Variants in E2F4 observed in about 807,000 individuals in gnomAD.
The protein encoded by E2F4 is transcription factor E2F4.
E2F4 carries 16 observed loss-of-function variants against 44.5 expected under a neutral mutation model. That is an observed-to-expected ratio of 0.36 (90% confidence interval 0.24 to 0.55). The LOEUF is 0.55. Among genes scored for constraint, E2F4 ranks in the 20% least tolerant of loss-of-function variants. E2F4 has a pLI of 0.87. For synonymous variants in E2F4, 242 were observed against 207.2 expected, an observed-to-expected ratio of 1.17 and a Z score of -1.44; for missense variants, 473 against 522.1, an observed-to-expected ratio of 0.91 and a Z score of 0.92.
intron 5 of E2F4, 77 bp downstream of exon 5, chr16:67,194,536 G>T: frequency 6.3e-7 from 1 of 1,593,108 alleles, no homozygotes; most frequent in Admixed American, 1.7e-5. Flanking sequence ...CCTGGGTGGG[G>T]CAAGTAGGGG....
chr16:67,197,309 A>G (rs1178199694), intron 7 of E2F4, among the ~76,000 whole-genome samples: 2 of 152,204 alleles, frequency 1.3e-5, no homozygotes, highest in African/African-American at 4.8e-5. Context: ...ACCTTCTGTC[A>G]GACAGGGGGT....
chr16:67,194,365 A>T, intron 4 of E2F4, 33 bp from the exon 5 acceptor site: 1 of 1,612,390 alleles, frequency 6.2e-7, no homozygotes, highest in Non-Finnish European at 8.5e-7. Flanking sequence ...GATTGAGCCC[A>T]TGGGCTCTGA....
chr16:67,192,958 T>C, intron 2 of E2F4, 51 bp from the exon 3 acceptor site: 2 of 1,559,972 alleles, frequency 1.3e-6, no homozygotes, highest in East Asian at 2.4e-5. Context: ...GCAGGGGCCA[T>C]GGGACCCAGA....
chr16:67,196,722 C>T (rs1358673653), intron 7 of E2F4, among the ~76,000 whole-genome samples: 3 of 152,206 alleles, frequency 2.0e-5, no homozygotes, highest in Non-Finnish European at 4.4e-5. Flanking sequence ...ACACTTTATT[C>T]CTGCATGTCC....
chr16:67,192,691 A>G (rs2032906196), intron 1 of E2F4, 70 bp from the exon 2 acceptor site: 2 of 1,443,962 alleles, frequency 1.4e-6, no homozygotes, highest in Non-Finnish European at 1.9e-6. Flanking sequence ...CTCCCTTCCC[A>G]GACCACGTCT....
At chr16:67,197,808 T>A in intron 8 of E2F4, 59 bp from the exon 9 acceptor site, 2 of 1,612,568 alleles carry the variant, frequency 1.2e-6, no homozygotes, top group Admixed American at 3.3e-5. Context: ...TTTCCTGGGC[T>A]TTGGTGGGTG....
Position 67,195,873 on chromosome 16 carries a change from G to A in E2F4, c.900G>A (p.Gln300=). The change falls in exon 7 of 10, where the codon CAG becomes CAA. Residue 300 remains glutamine (Q), a synonymous_variant. Transcript: ENST00000379378. ...GPTTLDTRPL[Q]SSALLDSSSS... ...CAACACTGGACACCCGGCCACTGCAGTCTTCTGCCCTGCTGGACAGCAGCA... is the reference window on the plus strand; with the variant it reads ...CAACACTGGACACCCGGCCACTGCAATCTTCTGCCCTGCTGGACAGCAGCA... 1.2e-6 allele frequency: 2 copies of A among 1,613,972 alleles called. No individual in the cohort carries two copies. The highest frequency in any genetic ancestry group is 1.1e-5 in the South Asian group (1 of 91,078).
At chr16:67,197,751 G>A in intron 8 of E2F4, 105 bp downstream of exon 8, 2 of 1,600,008 alleles carry the variant, frequency 1.2e-6, no homozygotes, top group East Asian at 2.2e-5. Flanking sequence ...GGCGCTTATG[G>A]TAACTGGGGC....
At position 67,195,943 on chromosome 16, in the gene E2F4, A is replaced by G. The variant is rs199882527; in HGVS notation, c.970A>G (p.Ser324Gly). ...SSSSSSNSNS[S>G]SSSGPNPSTS... ...CAGCAGCAGCAGCAACAGTAACAGC[A>G]GCAGTTCGTCCGGACCCAACCCTTC... The change falls in exon 7 of 10, where the codon AGC becomes GGC. Residue 324 changes from serine (S) to glycine (G), a missense_variant. Coordinates refer to ENST00000379378, the MANE Select transcript of E2F4 (RefSeq NM_001950.4). 6.2e-7 allele frequency: 1 copy of G among 1,614,164 alleles called. No homozygotes were observed. Among genetic ancestry groups the G allele is most frequent in the Non-Finnish European group, 8.5e-7 (1 of 1,180,016 alleles).
Position 67,198,093 on chromosome 16 carries a change from C to G in E2F4, c.1212C>G (p.Asp404Glu), listed in dbSNP as rs761626001. 1 of 1,613,948 alleles carries G rather than the reference C, an allele frequency of 6.2e-7. No individual in the cohort carries two copies. The highest frequency in any genetic ancestry group is 1.1e-5 in the South Asian group (1 of 91,088). ...YNLDESEGVC[D>E]LFDVPVLNL ...TGGACGAGAGTGAAGGTGTCTGTGA[C>G]CTCTTTGATGTGCCTGTTCTCAACC... Residue 404 changes from aspartate to glutamate, a missense_variant, in exon 10 of 10, where the codon GAC becomes GAG. Physicochemically the swap from Asp to Glu is conservative, Grantham distance 45 (BLOSUM62 2). Around this residue, in one of 3 missense-constraint regions of E2F4, gnomAD observed 314 missense variants for 315.6 expected, o/e 0.99. Coordinates refer to ENST00000379378, the MANE Select transcript of E2F4 (RefSeq NM_001950.4).
Position 67,192,371 on chromosome 16 carries a change from T to C in E2F4, c.135+9T>C. Reference sequence around the variant, plus strand: ...TGCTTGACCTCAAGCTGGTGCGGCCTGGGCTAAGGGGAGACAAGGGAGGCT... The same window carrying C: ...TGCTTGACCTCAAGCTGGTGCGGCCCGGGCTAAGGGGAGACAAGGGAGGCT... On this transcript the variant is annotated intron_variant, in intron 1 of 9. Transcript: ENST00000379378. The C allele has an allele frequency of 7.1e-7, 1 of 1,415,710 alleles. No homozygotes were observed. The highest frequency in any genetic ancestry group is 2.8e-5 in the Admixed American group (1 of 35,292). The allele number at this position is 1,415,710 out of a possible 1,614,324, so 87.7% of individuals were successfully genotyped here. A position where few individuals can be genotyped will look rare whatever the true frequency, so the allele number is the denominator to read the frequency against.
chr16:67,197,382 C>A (rs1376348312), intron 7 of E2F4, among the ~76,000 whole-genome samples: 1 of 152,192 alleles, frequency 6.6e-6, no homozygotes, highest in Non-Finnish European at 1.5e-5. Context: ...GTACCAATCG[C>A]TTGCAGGGGG....
Position 67,197,893 on chromosome 16 carries a change from G to C in E2F4, c.1108G>C (p.Glu370Gln). 6.2e-7 allele frequency: 1 copy of C among 1,614,142 alleles called. No homozygotes were observed. The change falls in exon 9 of 10, where the codon GAG becomes CAG. Residue 370 changes from glutamate to glutamine, a missense_variant. Coordinates refer to ENST00000379378, the MANE Select transcript of E2F4 (RefSeq NM_001950.4). ...RECMSSELLE[E>Q]LMSSEVFAPL... ...GTGCATGAGCTCGGAGCTGCTGGAG[G>C]AGTTGATGTCCTCAGAAGGTGGGTG...
chr16:67,197,357 C>T lies in E2F4; in HGVS notation c.1034-242C>T, dbSNP rs541988107. On this transcript the variant is annotated intron_variant, in intron 7 of 9. Coordinates refer to ENST00000379378, the MANE Select transcript of E2F4 (RefSeq NM_001950.4). ...CAGAAAGAGGCTTCTGTGGCCTTTC[C>T]GAGTTAGAAAAGCTGTACCAATCGC... Among the ~76,000 whole-genome samples the T allele has an allele frequency of 1.2e-4, 18 of 152,238 alleles. No individual in the cohort carries two copies. The South Asian group carries it at 1.2e-3, about 11-fold the overall frequency.
At chr16:67,192,513 C>T (rs988781315) in intron 1 of E2F4, 151 bp downstream of exon 1, 22 of 1,205,724 alleles carry the variant, frequency 1.8e-5, no homozygotes, top group African/African-American at 3.1e-5. Flanking sequence ...ATGTTTCATT[C>T]ATTCGGCCGA....
rs141264556 is a variant in E2F4 at position 67,193,018 on chromosome 16, G to A, written c.255G>A (p.Gly85=). ...SKNSIQWKGV[G]PGCNTREIAD... ...CACTCCCTGGGCTCAGGGGTGTGGG[G>A]CCTGGCTGCAATACCCGGGAGATTG... is the stretch of plus-strand genomic sequence containing the variant. Residue 85 remains glycine (G), a synonymous_variant, in exon 3 of 10, where the codon GGG becomes GGA. Transcript: ENST00000379378. The A allele has an allele frequency of 6.2e-4, 976 of 1,570,950 alleles. 1 individual carries two copies. The highest frequency in any genetic ancestry group is 8.0e-4 in the Non-Finnish European group (930 of 1,156,980).
chr16:67,193,588 C>T (rs984894108), intron 4 of E2F4, 73 bp downstream of exon 4: 2 of 1,512,228 alleles, frequency 1.3e-6, no homozygotes, highest in East Asian at 2.2e-5. Context: ...GGCTCAGTGT[C>T]TTAGGAGAGT....
chr16:67,192,702 CAG>C, intron 1 of E2F4, 57 bp from the exon 2 acceptor site: 1 of 1,490,800 alleles, frequency 6.7e-7, no homozygotes, highest in Non-Finnish European at 9.2e-7. Context: ...GACCACGTCT[CAG>C]GGTGGCTGGG....
At position 67,194,725 on chromosome 16, in the gene E2F4, A is replaced by G. The variant is rs2032940062; in HGVS notation, c.553A>G (p.Ser185Gly). The G allele has an allele frequency of 6.2e-7, 1 of 1,614,078 alleles. No individual in the cohort carries two copies. The highest frequency in any genetic ancestry group is 1.1e-5 in the South Asian group (1 of 91,086). ...GQKKYQIHLKSVSGPIEVLLV... is the reference protein window; with the variant it reads ...GQKKYQIHLKGVSGPIEVLLV... The stretch of plus-strand genomic sequence containing the variant: ...GAAGAAGTACCAGATTCACCTGAAG[A>G]GTGTGAGTGGTCCCATTGAGGTTCT... The change falls in exon 6 of 10, where the codon AGT (serine) becomes GGT (glycine). Residue 185 changes from serine to glycine, a missense_variant. Transcript: ENST00000379378.
Sources: allele counts gnomAD v4.1 joint callset (sites outside exome capture counted in the v4.1 genomes callset), GRCh38; gene constraint gnomAD v4.1.1; regional missense constraint gnomAD v4.1.1; transcripts MANE v1.5; gene names NCBI Gene and HGNC (gene_info 2026-07-23, HGNC 2026-07-21).